Variants in XPNPEP3 observed in about 807,000 individuals in gnomAD.
XPNPEP3 encodes X-prolyl aminopeptidase 3.
XPNPEP3 carries 41 observed loss-of-function variants against 60.0 expected under a neutral mutation model. The ratio of observed to expected loss-of-function variants is 0.68; its 90% CI spans 0.53 to 0.89. The LOEUF is 0.89. Among genes scored for constraint, XPNPEP3 ranks in the 40% least tolerant of loss-of-function variants. The pLI is 0.00. For missense variants in XPNPEP3, 598 were observed against 638.9 expected (o/e 0.94, Z 0.69); for synonymous variants, 212 against 223.2 (o/e 0.95, Z 0.45).
rs1316966859 is a variant in XPNPEP3, at chr22:40,860,831, TG to T, written c.64+3587del. 7.8e-6 allele frequency: 5 copies of T among 640,426 alleles called. No individual in the cohort carries two copies. In the East Asian group the frequency reaches 1.2e-4, roughly 15 times the overall value. The allele number at this position is 640,426 out of a possible 1,614,324, so 39.7% of individuals were successfully genotyped here. A position where few individuals can be genotyped will look rare whatever the true frequency, so the allele number is the denominator to read the frequency against. ...ACACTTGGCTAATTTTTAAATTTTT[TG>T]TAGAGAAAAGATCTCACTATACTGC... is the stretch of plus-strand genomic sequence containing the variant. On this transcript the variant is annotated intron_variant, in intron 1 of 9. Transcript: ENST00000357137.
At chr22:40,918,868 A>G (rs1232929655) in intron 7 of XPNPEP3, among the ~76,000 whole-genome samples, 1 of 145,410 alleles carries the variant, frequency 6.9e-6, no homozygotes, top group African/African-American at 2.5e-5. Flanking sequence ...TTTGAGACAC[A>G]GTCTTGCTCT....
intron 6 of XPNPEP3, 131 bp downstream of exon 6, chr22:40,909,366 A>T: frequency 1.3e-6 from 1 of 778,850 alleles, no homozygotes; most frequent in Non-Finnish European, 2.2e-6. Context: ...TATTGCTTAT[A>T]AAATGGTTTT....
intron 7 of XPNPEP3, among the ~76,000 whole-genome samples, chr22:40,919,432 G>A (rs1432391264): frequency 6.6e-6 from 1 of 152,130 alleles, no homozygotes; most frequent in Non-Finnish European, 1.5e-5. Flanking sequence ...GCAGGTGCCT[G>A]TAATCTCAGC....
intron 3 of XPNPEP3, among the ~76,000 whole-genome samples, chr22:40,885,630 C>T (rs2058065674): frequency 6.6e-6 from 1 of 152,146 alleles, no homozygotes; most frequent in South Asian, 2.1e-4. Flanking sequence ...CTTCTGTGTG[C>T]AATTATTCAA....
intron 1 of XPNPEP3, among the ~76,000 whole-genome samples, chr22:40,865,697 G>A (rs1032912411): frequency 6.7e-6 from 1 of 148,734 alleles, no homozygotes; most frequent in African/African-American, 2.5e-5. Context: ...TTTGTGGGGG[G>A]CGGGGGGGCA....
chr22:40,899,313 A>G (rs2058122113), intron 4 of XPNPEP3, among the ~76,000 whole-genome samples: 1 of 152,196 alleles, frequency 6.6e-6, no homozygotes, highest in Admixed American at 6.6e-5. Flanking sequence ...GCTTACTTTC[A>G]GCCAGCACTG....
rs1405343173 is a variant in XPNPEP3 at position 40,898,224 on chromosome 22, C to CTTT, written c.793-9363_793-9362insTTT. ...ATGTTTTATGTTTAGGTCTTTGACC[C>CTTT]ATTTTTTTTTTTTTTTTTTTTTTTT... On this transcript the variant is annotated intron_variant, in intron 4 of 9. Transcript: ENST00000357137. Among the ~76,000 whole-genome samples, 9 of 70,254 alleles carry CTTT rather than the reference C, an allele frequency of 1.3e-4. No individual in the cohort carries two copies. The South Asian group carries it at 1.9e-3, about 15-fold the overall frequency. 46.1% of individuals were successfully genotyped at this position (70,254 alleles called of 152,430 possible). A position where few individuals can be genotyped will look rare whatever the true frequency, so the allele number is the denominator to read the frequency against.
At chr22:40,899,617 A>G (rs1001011635) in intron 4 of XPNPEP3, among the ~76,000 whole-genome samples, 2 of 151,926 alleles carry the variant, frequency 1.3e-5, no homozygotes, top group Admixed American at 1.3e-4. Context: ...GTCAAGAGAT[A>G]AGACCATCCT....
rs1376448073 is a variant in XPNPEP3 at position 40,926,649 on chromosome 22, T to TGCA, written c.*217_*219dup. 3.3e-6 allele frequency: 2 copies of TGCA among 601,144 alleles called. No homozygotes were observed. The highest frequency in any genetic ancestry group is 5.9e-6 in the Non-Finnish European group (2 of 339,126). 37.2% of individuals were successfully genotyped at this position (601,144 alleles called of 1,614,324 possible). On this transcript the variant is annotated 3_prime_UTR_variant, in exon 10 of 10. Transcript: ENST00000357137. Reference sequence around the variant, plus strand: ...AATGAATTTTTGAATAGTATGTTACTGCAGCTTTGGTAACATTAATTCTAT... The same window carrying TGCA: ...AATGAATTTTTGAATAGTATGTTACTGCAGCAGCTTTGGTAACATTAATTCTAT...
At chr22:40,895,137 A>T (rs542114234) in intron 4 of XPNPEP3, among the ~76,000 whole-genome samples, 4 of 152,136 alleles carry the variant, frequency 2.6e-5, no homozygotes, top group African/African-American at 9.7e-5. Context: ...ATTGCCTGGC[A>T]TCCATGGGCA....
At chr22:40,899,771 A>C (rs1451572147) in intron 4 of XPNPEP3, among the ~76,000 whole-genome samples, 1 of 149,830 alleles carries the variant, frequency 6.7e-6, no homozygotes, top group East Asian at 2.0e-4. Context: ...GTGAGCGGAG[A>C]TCACGCTACT....
intron 4 of XPNPEP3, among the ~76,000 whole-genome samples, chr22:40,889,056 C>T (rs1601503666): frequency 6.6e-6 from 1 of 151,546 alleles, no homozygotes; most frequent in East Asian, 1.9e-4. Context: ...CTTTTTGAGA[C>T]AGTGTCTCGC....
At chr22:40,868,977 A>C in intron 1 of XPNPEP3, 22 bp from the exon 2 acceptor site, 1 of 1,574,434 alleles carries the variant, frequency 6.4e-7, no homozygotes, top group South Asian at 1.1e-5. Context: ...GTTTCATTTC[A>C]TTCTCTTTAT....
intron 3 of XPNPEP3, among the ~76,000 whole-genome samples, chr22:40,882,712 C>G (rs972386162): frequency 2.0e-5 from 3 of 151,972 alleles, no homozygotes; most frequent in African/African-American, 7.3e-5. Flanking sequence ...CCACTGCACT[C>G]CAGCCTAGGC....
chr22:40,867,308 C>T (rs994884160), intron 1 of XPNPEP3, among the ~76,000 whole-genome samples: 2 of 152,134 alleles, frequency 1.3e-5, no homozygotes, highest in African/African-American at 2.4e-5. Context: ...GCTCTTATCC[C>T]TCCCCCTTGC....
chr22:40,913,004 C>T (rs2058182310), intron 6 of XPNPEP3, among the ~76,000 whole-genome samples: 1 of 152,130 alleles, frequency 6.6e-6, no homozygotes, highest in South Asian at 2.1e-4. Context: ...TGTATGTTAT[C>T]ATTTACCCAT....
Position 40,932,024 on chromosome 22 carries a change from T to C in XPNPEP3, c.*5589T>C, listed in dbSNP as rs924883263. ...CCCACACCCTGTTCAGCTTTGTTAA[T>C]AATACAGAGATCAGAAATGTGAAGC... On this transcript the variant is annotated 3_prime_UTR_variant, in exon 10 of 10. Transcript: ENST00000357137. 2 of 152,194 alleles carry C rather than the reference T, an allele frequency of 1.3e-5. No homozygotes were observed. The highest frequency in any genetic ancestry group is 4.8e-5 in the African/African-American group (2 of 41,444). The allele number at this position is 152,194 out of a possible 1,614,324, so 9.4% of individuals were successfully genotyped here.
intron 6 of XPNPEP3, among the ~76,000 whole-genome samples, chr22:40,909,690 G>A (rs182607388): frequency 3.3e-5 from 5 of 151,706 alleles, no homozygotes; most frequent in South Asian, 2.1e-4. Flanking sequence ...GCTTGAGCCC[G>A]GGAGGCATAA....
intron 1 of XPNPEP3, among the ~76,000 whole-genome samples, chr22:40,868,137 A>G (rs138683265): frequency 2.6e-5 from 4 of 152,306 alleles, no homozygotes; most frequent in Admixed American, 6.5e-5. Flanking sequence ...TTTTTTAATT[A>G]ATGCTAATAA....
Sources: gnomAD v4.1 joint callset for allele counts (sites outside exome capture counted in the v4.1 genomes callset) on GRCh38, gnomAD v4.1.1 for gene constraint, MANE v1.5 for transcripts, NCBI Gene and HGNC (gene_info 2026-07-23, HGNC 2026-07-21) for gene names.